FKBP15: variants seen among roughly 807,000 people sequenced by gnomAD.
FKBP15 encodes FKBP prolyl isomerase family member 15.
Under a neutral mutation model 158.1 loss-of-function variants are expected in FKBP15, and 106 were observed. The observed-to-expected ratio is 0.67, with a 90% CI of 0.57 to 0.79. FKBP15 has a LOEUF of 0.79. Ranked by LOEUF, FKBP15 falls within the 30% of genes least tolerant of loss-of-function variation. The pLI is 0.00. For synonymous variants in FKBP15, 547 were observed against 548.6 expected (o/e 1.00, Z 0.04); for missense variants, 1,287 against 1,479.1 (o/e 0.87, Z 2.13).
chr9:113,179,903 TAAACACAG>T (rs1416794920), intron 19 of FKBP15, among the ~76,000 whole-genome samples: 1 of 152,250 alleles, frequency 6.6e-6, no homozygotes, highest in African/African-American at 2.4e-5. Context: ...TTTCACCTGC[TAAACACAG>T]ATGACAATGA....
chr9:113,176,375 T>A (rs761506281), intron 21 of FKBP15, among the ~76,000 whole-genome samples, 162 bp downstream of exon 21: 1 of 152,264 alleles, frequency 6.6e-6, no homozygotes, highest in Non-Finnish European at 1.5e-5. Context: ...AACTGTCACC[T>A]TCAATGTATG....
intron 6 of FKBP15, among the ~76,000 whole-genome samples, chr9:113,201,318 A>G (rs1481819553): frequency 6.6e-6 from 1 of 152,226 alleles, no homozygotes; most frequent in Non-Finnish European, 1.5e-5. Flanking sequence ...GTAGGGGGGA[A>G]AAAAGGACAG....
rs775424290 is a variant in FKBP15 at position 113,202,625 on chromosome 9, C to T, written c.404G>A (p.Arg135Gln). The change falls in exon 6 of 28, where the codon CGG becomes CAG. Residue 135 changes from arginine to glutamine, a missense_variant. Coordinates refer to ENST00000238256, the MANE Select transcript of FKBP15 (RefSeq NM_015258.2). ...RIHVNFELMV[R>Q]PNNYSTFYDD... ...ATAAAAGGTGCTATAGTTATTGGGC[C>T]GAACCTGGAGAAAGGAGAAATGTTA... The T allele has an allele frequency of 2.5e-5, 39 of 1,562,942 alleles. No individual in the cohort carries two copies. Among genetic ancestry groups the T allele is most frequent in the East Asian group, 4.7e-5 (2 of 42,676 alleles).
chr9:113,161,749 G>A lies in FKBP15; in HGVS notation c.*4329C>T, dbSNP rs1564139085. 6 of 1,590,022 alleles carry A rather than the reference G, an allele frequency of 3.8e-6. No individual in the cohort carries two copies. The Admixed American group carries it at 6.7e-5, about 18-fold the overall frequency. ...GGCAGAAGCCTCACATTCACCCTGA[G>A]AGACAGGCTGGCCCAGACAGCATTA... On this transcript the variant is annotated 3_prime_UTR_variant, in exon 28 of 28. Coordinates refer to ENST00000238256, the MANE Select transcript of FKBP15 (RefSeq NM_015258.2).
intron 1 of FKBP15, among the ~76,000 whole-genome samples, chr9:113,213,077 T>C (rs1355458150): frequency 1.3e-5 from 2 of 152,018 alleles, no homozygotes; most frequent in Non-Finnish European, 2.9e-5. Context: ...CTAAGATCTA[T>C]TACAAAAAAA....
chr9:113,168,634 G>A (rs908491823), intron 26 of FKBP15, 78 bp from the exon 27 acceptor site: 17 of 1,264,216 alleles, frequency 1.3e-5, no homozygotes, highest in Middle Eastern at 1.9e-4. Context: ...AAGGGTCACC[G>A]GCCCTTGGGT....
rs759345947 is a variant in FKBP15, at chr9:113,169,398, T to C, written c.3311A>G (p.Glu1104Gly). ...TRLSLTSDPE[E>G]GDPLALGPES... ...AGGCCCTAAGGCCAGTGGGTCCCCC[T>C]CCTCGGGGTCTGAAGTCAGGGACAG... The change falls in exon 26 of 28, where the codon GAG becomes GGG. Residue 1104 changes from glutamate (E) to glycine (G), a missense_variant. Transcript: ENST00000238256. The C allele has an allele frequency of 2.7e-4, 429 of 1,614,028 alleles. 1 individual carries two copies. The highest frequency in any genetic ancestry group is 7.9e-4 in the South Asian group (72 of 91,084).
In FKBP15 at chr9:113,162,074, C is replaced by G; in HGVS notation, c.*4004G>C. On this transcript the variant is annotated 3_prime_UTR_variant, in exon 28 of 28. Coordinates refer to ENST00000238256, the MANE Select transcript of FKBP15 (RefSeq NM_015258.2). Reference sequence around the variant, plus strand: ...CTGCAGCTGTCCTGAAGCAATGTATCCCACTTGGTGGGAGGAGGATGACAA... The same window carrying G: ...CTGCAGCTGTCCTGAAGCAATGTATGCCACTTGGTGGGAGGAGGATGACAA... The G allele has an allele frequency of 2.8e-6, 1 of 351,648 alleles. No individual in the cohort carries two copies. The highest frequency in any genetic ancestry group is 5.4e-6 in the Non-Finnish European group (1 of 185,276). 21.8% of individuals were successfully genotyped at this position (351,648 alleles called of 1,614,324 possible).
At chr9:113,171,211 A>C (rs1830202454) in intron 24 of FKBP15, among the ~76,000 whole-genome samples, 1 of 152,206 alleles carries the variant, frequency 6.6e-6, no homozygotes, top group Non-Finnish European at 1.5e-5. Context: ...GCGGATCACA[A>C]GGTCAAGAGA....
chr9:113,202,814 A>G, intron 5 of FKBP15, 147 bp downstream of exon 5: 4 of 781,944 alleles, frequency 5.1e-6, no homozygotes, highest in Non-Finnish European at 8.3e-6. Context: ...AGGAGCCAAG[A>G]GACCTTTCTG....
At chr9:113,204,085 ATTTT>A (rs140328186) in intron 4 of FKBP15, among the ~76,000 whole-genome samples, 1 of 150,600 alleles carries the variant, frequency 6.6e-6, no homozygotes, top group Non-Finnish European at 1.5e-5. Flanking sequence ...TCTCCACGTC[ATTTT>A]TTTTTGAGAT....
At chr9:113,202,220 T>A (rs1459947968) in intron 6 of FKBP15, among the ~76,000 whole-genome samples, 1 of 151,556 alleles carries the variant, frequency 6.6e-6, no homozygotes, top group Non-Finnish European at 1.5e-5. Context: ...TTGAAAACAC[T>A]ATTTTTTAAA....
chr9:113,182,193 A>G (rs775534013), intron 19 of FKBP15, among the ~76,000 whole-genome samples: 1 of 152,212 alleles, frequency 6.6e-6, no homozygotes, highest in Non-Finnish European at 1.5e-5. Flanking sequence ...TGAAAAAGTC[A>G]GGATCTCCTA....
At position 113,171,798 on chromosome 9, in the gene FKBP15, CTTTTTTT is replaced by C. The variant is rs200502042; in HGVS notation, c.2533-99_2533-93del. The C allele has an allele frequency of 3.0e-5, 25 of 834,992 alleles. No homozygotes were observed. In the African/African-American group the frequency reaches 3.7e-4, roughly 12 times the overall value. 51.7% of individuals were successfully genotyped at this position (834,992 alleles called of 1,614,324 possible). ...GGAGAACCACCCAAACATCAAGTCTCTTTTTTTTTTTTTTGCATATAATAAAAAGACA... is the reference window on the plus strand; with the variant it reads ...GGAGAACCACCCAAACATCAAGTCTCTTTTTTTGCATATAATAAAAAGACA... On this transcript the variant is annotated intron_variant, in intron 23 of 27. Transcript: ENST00000238256.
rs767566429 is a variant in FKBP15 at position 113,221,269 on chromosome 9, G to A, written c.-26C>T. 6.3e-7 allele frequency: 1 copy of A among 1,589,930 alleles called. No individual in the cohort carries two copies. The highest frequency in any genetic ancestry group is 8.6e-7 in the Non-Finnish European group (1 of 1,168,614). On this transcript the variant is annotated 5_prime_UTR_variant, in exon 1 of 28. Transcript: ENST00000238256. ...TGCGTTGGCTTTCACCGGGTTGCGG[G>A]GAGGAAGCTGGGTATTCCCAGAGTC...
chr9:113,177,414 T>C (rs1019615308), intron 20 of FKBP15, among the ~76,000 whole-genome samples: 1 of 152,218 alleles, frequency 6.6e-6, no homozygotes, highest in African/African-American at 2.4e-5. Flanking sequence ...AAAGCAGAAA[T>C]GAGACATTTG....
In FKBP15 at chr9:113,169,592, C is replaced by G. The variant is rs3184699; in HGVS notation, c.3117G>C (p.Gly1039=). The change falls in exon 26 of 28, where the codon GGG becomes GGC. Residue 1039 remains glycine (G), a synonymous_variant. Transcript: ENST00000238256. ...GCTCAGGTGGAATTGAAGTCGGGGGCCCTAGAACTCTGTGGGATGGGATGC... is the reference window on the plus strand; with the variant it reads ...GCTCAGGTGGAATTGAAGTCGGGGGGCCTAGAACTCTGTGGGATGGGATGC... The part of the protein sequence containing the change: ...LSCIPSHRVL[G]PPTSIPPEPL... 1 of 1,613,986 alleles carries G rather than the reference C, an allele frequency of 6.2e-7. No homozygotes were observed. The highest frequency in any genetic ancestry group is 8.5e-7 in the Non-Finnish European group (1 of 1,179,896).
chr9:113,211,976 C>T (rs1212484067), intron 1 of FKBP15, among the ~76,000 whole-genome samples: 1 of 152,128 alleles, frequency 6.6e-6, no homozygotes, highest in Middle Eastern at 3.2e-3. Context: ...TAGCAAATCA[C>T]AGTTTCTAGT....
At chr9:113,182,677 T>C in intron 19 of FKBP15, 89 bp downstream of exon 19, 6 of 1,011,540 alleles carry the variant, frequency 5.9e-6, no homozygotes, top group South Asian at 1.4e-5. Context: ...AAAAATTCTG[T>C]TGGAAAGCCG....
Sources: gnomAD v4.1 joint callset for allele counts (sites outside exome capture counted in the v4.1 genomes callset) on GRCh38, gnomAD v4.1.1 for gene constraint, MANE v1.5 for transcripts, NCBI Gene and HGNC (gene_info 2026-07-23, HGNC 2026-07-21) for gene names.